The following KIAA1217 variants were observed in gnomAD, a reference collection of about 807,000 sequenced individuals.
The protein encoded by KIAA1217 is sickle tail protein homolog.
In KIAA1217, 88 loss-of-function variants were observed where a neutral mutation model predicts 163.9. The observed-to-expected ratio is 0.54, with a 90% CI of 0.45 to 0.64. The LOEUF is 0.64. Among genes scored for constraint, KIAA1217 ranks in the 30% least tolerant of loss-of-function variants. The pLI is 0.00. For synonymous variants in KIAA1217, 903 were observed against 923.1 expected, an observed-to-expected ratio of 0.98 and a Z score of 0.39; for missense variants, 2,372 against 2,475.0, an observed-to-expected ratio of 0.96 and a Z score of 0.88.
At chr10:23,970,857 A>T (rs1179600868) in intron 1 of KIAA1217, among the ~76,000 whole-genome samples, 1 of 152,234 alleles carries the variant, frequency 6.6e-6, no homozygotes, top group East Asian at 1.9e-4. Flanking sequence ...ACAGGTCTGC[A>T]GCAACCTCAG....
chr10:23,870,550 C>T (rs1840410399), intron 1 of KIAA1217, among the ~76,000 whole-genome samples: 1 of 152,000 alleles, frequency 6.6e-6, no homozygotes, highest in Non-Finnish European at 1.5e-5. Flanking sequence ...GGGACTTAGC[C>T]CATCTCTGGC....
chr10:24,502,240 C>CTTTTTTTTTTTTTT (rs772404852), intron 9 of KIAA1217, among the ~76,000 whole-genome samples: 26 of 80,634 alleles, frequency 3.2e-4, no homozygotes, highest in East Asian at 8.2e-4. Flanking sequence ...GTCAGCCAAG[C>CTTTTTTTTTTTTTT]TTTTTTTTTT....
chr10:24,394,221 G>A (rs894888828), intron 3 of KIAA1217, among the ~76,000 whole-genome samples: 14 of 152,154 alleles, frequency 9.2e-5, no homozygotes, highest in Non-Finnish European at 1.8e-4. Context: ...CCTATCAAGC[G>A]AAGCTCCTAT....
intron 1 of KIAA1217, among the ~76,000 whole-genome samples, chr10:23,702,710 A>ACACACAC (rs1564350157): frequency 3.9e-5 from 5 of 128,602 alleles, no homozygotes; most frequent in African/African-American, 9.1e-5. Context: ...CACACACACA[A>ACACACAC]ATATATTGTA....
At chr10:23,987,012 C>T (rs117259633) in intron 1 of KIAA1217, among the ~76,000 whole-genome samples, 13 of 152,202 alleles carry the variant, frequency 8.5e-5, no homozygotes, top group Non-Finnish European at 1.5e-4. Flanking sequence ...AAGTTCTTTG[C>T]GTTGCCCATT....
At chr10:24,189,001 G>T (rs12264307) in intron 2 of KIAA1217, among the ~76,000 whole-genome samples, 1,649 of 151,680 alleles carry the variant, frequency 0.011, 26 homozygotes, top group African/African-American at 0.037. Context: ...AGCTACTCTG[G>T]TAGCTGAGGC....
intron 2 of KIAA1217, among the ~76,000 whole-genome samples, chr10:24,247,249 G>A (rs988145886): frequency 1.3e-5 from 2 of 151,212 alleles, no homozygotes; most frequent in Non-Finnish European, 2.9e-5. Context: ...TTGTTGTACA[G>A]ATTGTTTCAT....
At chr10:24,397,144 C>T (rs571281926) in intron 3 of KIAA1217, among the ~76,000 whole-genome samples, 1 of 137,730 alleles carries the variant, frequency 7.3e-6, no homozygotes, top group Admixed American at 7.7e-5. Context: ...CGGAGTCTCA[C>T]TCTGTCACCC....
At chr10:24,489,004 A>C (rs968724806) in intron 6 of KIAA1217, among the ~76,000 whole-genome samples, 1 of 151,996 alleles carries the variant, frequency 6.6e-6, no homozygotes, top group African/African-American at 2.4e-5. Flanking sequence ...TTGTTGATTG[A>C]CTCTTTGGCC....
intron 1 of KIAA1217, among the ~76,000 whole-genome samples, chr10:23,924,194 G>T (rs1842943107): frequency 7.1e-6 from 1 of 141,024 alleles, no homozygotes; most frequent in African/African-American, 2.5e-5. Context: ...TTAAGTTCTA[G>T]GATACATGTG....
intron 1 of KIAA1217, among the ~76,000 whole-genome samples, chr10:23,929,301 T>A (rs1415120770): frequency 2.6e-5 from 4 of 152,104 alleles, no homozygotes; most frequent in African/African-American, 9.7e-5. Flanking sequence ...ACTGAAATAA[T>A]GGATTTTATT....
chr10:24,419,648 G>GA (rs2058572008), intron 3 of KIAA1217, among the ~76,000 whole-genome samples: 1 of 152,240 alleles, frequency 6.6e-6, no homozygotes, highest in East Asian at 1.9e-4. Context: ...ATTTTAAAGA[G>GA]AAAAACATGT....
intron 5 of KIAA1217, among the ~76,000 whole-genome samples, chr10:24,441,833 T>G (rs1008592518): frequency 6.6e-6 from 1 of 152,194 alleles, no homozygotes; most frequent in African/African-American, 2.4e-5. Context: ...AATGTACAAC[T>G]TGAAGATGGA....
intron 1 of KIAA1217, among the ~76,000 whole-genome samples, chr10:23,898,735 T>A (rs1841821897): frequency 6.6e-6 from 1 of 152,036 alleles, no homozygotes; most frequent in Non-Finnish European, 1.5e-5. Context: ...CAAGTCCCAA[T>A]TTTCCCCTCC....
intron 2 of KIAA1217, among the ~76,000 whole-genome samples, chr10:24,282,250 G>T (rs1185621084): frequency 1.3e-5 from 2 of 151,562 alleles, no homozygotes; most frequent in East Asian, 3.9e-4. Context: ...ATGATTTATT[G>T]CTATAAATAT....
chr10:24,143,744 C>A (rs2064184074), intron 2 of KIAA1217, among the ~76,000 whole-genome samples: 1 of 151,684 alleles, frequency 6.6e-6, no homozygotes, highest in South Asian at 2.1e-4. Flanking sequence ...TGAGACAGGG[C>A]AGCCTTATTG....
chr10:24,155,424 G>A (rs2064829789), intron 2 of KIAA1217, among the ~76,000 whole-genome samples: 1 of 152,162 alleles, frequency 6.6e-6, no homozygotes, highest in Admixed American at 6.5e-5. Flanking sequence ...GAAAACTGAG[G>A]TCTGGAGGAA....
At chr10:24,182,247 C>T (rs904193561) in intron 2 of KIAA1217, among the ~76,000 whole-genome samples, 1 of 152,130 alleles carries the variant, frequency 6.6e-6, no homozygotes, top group Non-Finnish European at 1.5e-5. Flanking sequence ...ACCAGCCTGG[C>T]CAACATAGTG....
intron 2 of KIAA1217, among the ~76,000 whole-genome samples, chr10:24,166,929 T>A (rs932136906): frequency 6.6e-6 from 1 of 152,116 alleles, no homozygotes; most frequent in African/African-American, 2.4e-5. Flanking sequence ...TAAAAAAGAA[T>A]AATTTTGATC....
Sources: allele counts gnomAD v4.1 joint callset (sites outside exome capture counted in the v4.1 genomes callset), GRCh38; gene constraint gnomAD v4.1.1; transcripts MANE v1.5; gene names NCBI Gene and HGNC (gene_info 2026-07-23, HGNC 2026-07-21).